The following PCSK6 variants were observed in gnomAD, a reference collection of about 807,000 sequenced individuals.
PCSK6 encodes the protein paired basic amino acid cleaving enzyme 4.
Under a neutral mutation model 123.3 loss-of-function variants are expected in PCSK6, and 85 were observed. The observed-to-expected ratio is 0.69, with a 90% CI of 0.58 to 0.83. The LOEUF is 0.83. PCSK6 is among the 40% of genes least tolerant of loss of function. PCSK6 has a pLI of 0.00. For missense variants in PCSK6, 1,191 were observed against 1,282.3 expected (o/e 0.93, Z 1.09); for synonymous variants, 508 against 516.0 (o/e 0.98, Z 0.21).
At chr15:101,327,392 C>T (rs868451696) in intron 15 of PCSK6, among the ~76,000 whole-genome samples, 13 of 152,286 alleles carry the variant, frequency 8.5e-5, no homozygotes, top group South Asian at 8.3e-4. Flanking sequence ...GTCCTCCCCA[C>T]GCTGGTCGGC....
chr15:101,367,368 G>A (rs1327823397), intron 12 of PCSK6, among the ~76,000 whole-genome samples: 1 of 152,036 alleles, frequency 6.6e-6, no homozygotes, highest in Non-Finnish European at 1.5e-5. Flanking sequence ...CATCTTTATT[G>A]TTCATCAGAA....
In PCSK6 at chr15:101,412,551, C is replaced by G. The variant is rs185000115; in HGVS notation, c.824-13975G>C. ...AAAATAGAAAGTCTCAATAAAGAAACTGAAAGTCTCAGCAAAGAAATACAC... is the reference window on the plus strand; with the variant it reads ...AAAATAGAAAGTCTCAATAAAGAAAGTGAAAGTCTCAGCAAAGAAATACAC... On this transcript the variant is annotated intron_variant, in intron 6 of 21. Coordinates refer to ENST00000611716, the MANE Select transcript of PCSK6 (RefSeq NM_002570.5). Among the ~76,000 whole-genome samples the G allele has an allele frequency of 6.5e-3, 988 of 150,968 alleles. 5 individuals carry two copies. The highest frequency in any genetic ancestry group is 0.017 in the South Asian group (82 of 4,746).
At chr15:101,414,781 T>C (rs567255810) in intron 6 of PCSK6, among the ~76,000 whole-genome samples, 2 of 152,252 alleles carry the variant, frequency 1.3e-5, no homozygotes, top group East Asian at 1.9e-4. Flanking sequence ...GATGGATGAA[T>C]AGATAAAAAC....
intron 13 of PCSK6, among the ~76,000 whole-genome samples, chr15:101,361,966 T>TTA (rs1215374442): frequency 6.7e-6 from 1 of 148,728 alleles, no homozygotes; most frequent in Non-Finnish European, 1.5e-5. Flanking sequence ...CTTTTTTTTT[T>TTA]TTTTTTTTGA....
chr15:101,380,548 G>C (rs2041886011), intron 11 of PCSK6, among the ~76,000 whole-genome samples: 2 of 152,274 alleles, frequency 1.3e-5, no homozygotes, highest in South Asian at 2.1e-4. Context: ...GCCTTAAGAA[G>C]TCAAGACTGA....
intron 6 of PCSK6, among the ~76,000 whole-genome samples, chr15:101,408,840 T>A (rs2042854034): frequency 1.3e-5 from 2 of 152,212 alleles, no homozygotes; most frequent in Admixed American, 6.5e-5. Flanking sequence ...TTAACCAATT[T>A]ATGGGCATGG....
At chr15:101,306,351 C>T (rs1316112152) in intron 21 of PCSK6, among the ~76,000 whole-genome samples, 1 of 151,988 alleles carries the variant, frequency 6.6e-6, no homozygotes, top group Non-Finnish European at 1.5e-5. Flanking sequence ...CCTCCCGCCA[C>T]CCCCCAAAAA....
chr15:101,399,788 T>C (rs1184488985), intron 6 of PCSK6, among the ~76,000 whole-genome samples: 1 of 152,100 alleles, frequency 6.6e-6, no homozygotes, highest in East Asian at 1.9e-4. Context: ...GGGTCAACTC[T>C]CTTCATGGCC....
chr15:101,322,627 TAAGAA>T lies in PCSK6; in HGVS notation c.2378-25_2378-21del, dbSNP rs1461025936. 1.3e-6 allele frequency: 2 copies of T among 1,512,456 alleles called. No individual in the cohort carries two copies. Among genetic ancestry groups the T allele is most frequent in the Admixed American group, 1.7e-5 (1 of 59,614 alleles). The allele number at this position is 1,512,456 out of a possible 1,614,324, so 93.7% of individuals were successfully genotyped here. On this transcript the variant is annotated intron_variant, in intron 17 of 21. Coordinates refer to ENST00000611716, the MANE Select transcript of PCSK6 (RefSeq NM_002570.5). ...TCTGACCTGGAGAAAAATAGCGAGA[TAAGAA>T]AAGAGAAGGGACGACACTGACAGGA... is the stretch of plus-strand genomic sequence containing the variant.
intron 1 of PCSK6, among the ~76,000 whole-genome samples, chr15:101,489,005 C>T (rs1368299589): frequency 6.7e-6 from 1 of 150,176 alleles, no homozygotes. Context: ...CGGCGCGCGA[C>T]GCCTGAGGCA....
chr15:101,384,038 A>C, intron 10 of PCSK6: 1 of 883,670 alleles, frequency 1.1e-6, no homozygotes, highest in Non-Finnish European at 1.4e-6. Context: ...CCTGGCTTAA[A>C]GAGAACTATG....
At chr15:101,402,763 A>G (rs1003643462) in intron 6 of PCSK6, among the ~76,000 whole-genome samples, 23 of 152,244 alleles carry the variant, frequency 1.5e-4, no homozygotes, top group Non-Finnish European at 1.5e-5. Flanking sequence ...TTAAAAAGTC[A>G]GGAAACAACA....
chr15:101,323,468 C>T (rs751988046), intron 17 of PCSK6, among the ~76,000 whole-genome samples: 3 of 152,188 alleles, frequency 2.0e-5, no homozygotes, highest in Non-Finnish European at 4.4e-5. Flanking sequence ...AGGTGGCTCA[C>T]ACCTGTAATC....
At chr15:101,345,628 T>C (rs960023762) in intron 13 of PCSK6, among the ~76,000 whole-genome samples, 1 of 152,274 alleles carries the variant, frequency 6.6e-6, no homozygotes, top group Non-Finnish European at 1.5e-5. Flanking sequence ...ATCAGCTTGA[T>C]AGCAACACTG....
intron 1 of PCSK6, among the ~76,000 whole-genome samples, chr15:101,485,728 T>C (rs1164542589): frequency 6.6e-6 from 1 of 152,214 alleles, no homozygotes; most frequent in Non-Finnish European, 1.5e-5. Flanking sequence ...ACTGCTGGAC[T>C]GTCGTTACCA....
Position 101,391,256 on chromosome 15 carries a change from C to T in PCSK6, c.1210-1692G>A, listed in dbSNP as rs2042225815. Among the ~76,000 whole-genome samples, 3 of 152,224 alleles carry T rather than the reference C, an allele frequency of 2.0e-5. No individual in the cohort carries two copies. The South Asian group carries it at 6.2e-4, about 32-fold the overall frequency. Reference sequence around the variant, plus strand: ...CACCATGATATAGATTTCAGGGGTTCTCGGCAGATCACAGCCAGGCACCTG... The same window carrying T: ...CACCATGATATAGATTTCAGGGGTTTTCGGCAGATCACAGCCAGGCACCTG... On this transcript the variant is annotated intron_variant, in intron 8 of 21. Transcript: ENST00000611716.
intron 2 of PCSK6, among the ~76,000 whole-genome samples, chr15:101,433,194 G>C (rs921990715): frequency 2.6e-5 from 4 of 152,164 alleles, no homozygotes; most frequent in Non-Finnish European, 5.9e-5. Flanking sequence ...GCCTCAGGGT[G>C]GTGTCCACCC....
intron 6 of PCSK6, among the ~76,000 whole-genome samples, chr15:101,401,592 C>T (rs2042588990): frequency 6.6e-6 from 1 of 152,234 alleles, no homozygotes; most frequent in African/African-American, 2.4e-5. Flanking sequence ...CCTTCACCAT[C>T]AACTGTGACC....
At chr15:101,481,896 G>A (rs964068096) in intron 1 of PCSK6, among the ~76,000 whole-genome samples, 1 of 152,250 alleles carries the variant, frequency 6.6e-6, no homozygotes, top group Non-Finnish European at 1.5e-5. Context: ...CTCCAATAGA[G>A]AGAGGTGTGA....
Sources: gnomAD v4.1 joint callset for allele counts (sites outside exome capture counted in the v4.1 genomes callset) on GRCh38, gnomAD v4.1.1 for gene constraint, MANE v1.5 for transcripts, NCBI Gene and HGNC (gene_info 2026-07-23, HGNC 2026-07-21) for gene names.